Variants in CPNE7 observed in about 807,000 individuals in gnomAD.
The protein encoded by CPNE7 is copine-7.
CPNE7 carries 78 observed loss-of-function variants against 66.5 expected under a neutral mutation model. The observed-to-expected ratio is 1.17, with a 90% CI of 0.98 to 1.42. The LOEUF (loss-of-function observed/expected upper bound fraction) is 1.42, where lower values mean the gene tolerates loss of function less well. CPNE7 is among the 40% of genes most tolerant of loss of function. The pLI is 0.00. For synonymous variants in CPNE7, 468 were observed against 336.7 expected, an observed-to-expected ratio of 1.39 and a Z score of -4.27; for missense variants, 1,012 against 776.6, an observed-to-expected ratio of 1.30 and a Z score of -3.60.
intron 13 of CPNE7, among the ~76,000 whole-genome samples, chr16:89,592,084 C>T (rs1401521409): frequency 2.7e-5 from 4 of 150,040 alleles, no homozygotes; most frequent in Non-Finnish European, 5.9e-5. Context: ...TCTCCGCTCA[C>T]TGCAACCTCC....
rs959415847 is a variant in CPNE7, at chr16:89,591,362, G to A, written c.1302+102G>A. ...GCACCTGGCAGAGGGAACAGCCAGCGCAGAGGCCCCCAGGCAGGACAGAGC... is the reference window on the plus strand; with the variant it reads ...GCACCTGGCAGAGGGAACAGCCAGCACAGAGGCCCCCAGGCAGGACAGAGC... On this transcript the variant is annotated intron_variant, in intron 13 of 14. Transcript: ENST00000319518. 1.3e-4 allele frequency: 178 copies of A among 1,419,542 alleles called. 1 individual carries two copies. The highest frequency in any genetic ancestry group is 4.1e-4 in the South Asian group (28 of 67,930). The allele number at this position is 1,419,542 out of a possible 1,614,324, so 87.9% of individuals were successfully genotyped here.
chr16:89,583,297 C>T (rs1255965421), intron 2 of CPNE7: 27 of 768,956 alleles, frequency 3.5e-5, no homozygotes, highest in African/African-American at 6.9e-5. Context: ...TCTGCTTCTG[C>T]GGGTTCTCAC....
Position 89,587,096 on chromosome 16 carries a change from C to T in CPNE7, c.921C>T (p.His307=). 1 of 1,565,206 alleles carries T rather than the reference C, an allele frequency of 6.4e-7. No individual in the cohort carries two copies. The highest frequency in any genetic ancestry group is 8.7e-7 in the Non-Finnish European group (1 of 1,155,850). The change falls in exon 9 of 15, where the codon CAC becomes CAT. Residue 307 remains histidine, a synonymous_variant. Transcript: ENST00000319518. ...LDYIMGGCQI[H]FTVAIDFTAS... ...ATATCATGGGCGGCTGCCAGATCCA[C>T]TTCACCGTGAGTCCATGGCCCCGCC...
At chr16:89,587,720 C>CT (rs2059083033) in intron 9 of CPNE7, 1 of 198,438 alleles carries the variant, frequency 5.0e-6, no homozygotes, top group African/African-American at 2.9e-5. Context: ...CCCATAGCAC[C>CT]CCCGTGTCAC....
Position 89,584,049 on chromosome 16 carries a change from G to T in CPNE7, c.454G>T (p.Gly152Trp). Reference protein sequence around the residue: ...TITVIAEDISGNNGYVELSFR... With the variant: ...TITVIAEDISWNNGYVELSFR... ...CCAGGTGATCGCCGAGGACATCTCG[G>T]GGAACAACGGCTACGTGGAGCTCTC... Residue 152 changes from glycine to tryptophan, a missense_variant, in exon 4 of 15, where the codon GGG (glycine) becomes TGG (tryptophan). By Grantham distance (184) the Gly-to-Trp change is radical (BLOSUM62 -2). Coordinates refer to ENST00000319518, the MANE Select transcript of CPNE7 (RefSeq NM_153636.3). This position sits in a 1 kb window ranked among gnomAD's most constrained non-coding sequence, Gnocchi z 6.0. The T allele has an allele frequency of 6.2e-7, 1 of 1,612,220 alleles. No individual in the cohort carries two copies. Among genetic ancestry groups the T allele is most frequent in the Non-Finnish European group, 8.5e-7 (1 of 1,179,658 alleles).
chr16:89,590,388 G>T (rs557763861), intron 11 of CPNE7, among the ~76,000 whole-genome samples: 1 of 152,230 alleles, frequency 6.6e-6, no homozygotes, highest in Non-Finnish European at 1.5e-5. Flanking sequence ...AGCTGGGCGT[G>T]GTGGCACATG....
At chr16:89,593,291 G>A (rs1301220240) in intron 13 of CPNE7, among the ~76,000 whole-genome samples, 3 of 151,736 alleles carry the variant, frequency 2.0e-5, no homozygotes, top group Admixed American at 6.6e-5. Context: ...AAAAAACTTG[G>A]CACTGCACAC....
rs1002097940 is a variant in CPNE7, at chr16:89,591,235, C to T, written c.1277C>T (p.Ala426Val). ...TCCAAGGTGGCACGCGTGGCGGCGG[C>T]CGAGGAGAGCACCGGGAAAGCCTCT... Reference protein sequence around the residue: ...IISKVARVAAAEESTGKASQY... With the variant: ...IISKVARVAAVEESTGKASQY... Residue 426 changes from alanine to valine, a missense_variant, in exon 13 of 15, where the codon GCC becomes GTC. Ala to Val is a moderately conservative substitution (Grantham distance 64, BLOSUM62 0). Coordinates refer to ENST00000319518, the MANE Select transcript of CPNE7 (RefSeq NM_153636.3). The T allele has an allele frequency of 5.7e-6, 9 of 1,585,000 alleles. No individual in the cohort carries two copies. The highest frequency in any genetic ancestry group is 3.6e-5 in the Admixed American group (2 of 55,628).
chr16:89,587,653 C>A, intron 9 of CPNE7: 2 of 442,844 alleles, frequency 4.5e-6, no homozygotes, highest in Non-Finnish European at 4.6e-6. Flanking sequence ...CCCCGTGTCA[C>A]CCCCATGTCA....
rs561972748 is a variant in CPNE7, at chr16:89,579,908, G to A, written c.357+2187G>A. Among the ~76,000 whole-genome samples the A allele has an allele frequency of 8.1e-4, 37 of 45,648 alleles. 7 individuals carry two copies. The highest frequency in any genetic ancestry group is 3.6e-3 in the Admixed American group (13 of 3,610). 29.9% of individuals were successfully genotyped at this position (45,648 alleles called of 152,430 possible). On this transcript the variant is annotated intron_variant, in intron 2 of 14. Transcript: ENST00000319518. ...ACACGGAACATCTCACCCATCACAC[G>A]GAACATCCCGTCACCCGCTGACACA... is the stretch of plus-strand genomic sequence containing the variant.
At chr16:89,585,823 C>T (rs1476342569) in intron 7 of CPNE7, 38 bp downstream of exon 7, 1 of 114,530 alleles carries the variant, frequency 8.7e-6, no homozygotes, top group Admixed American at 1.2e-4. Context: ...CAGGGAGGGT[C>T]AGGTGGGGGT....
In CPNE7 at chr16:89,584,743, C is replaced by T; in HGVS notation, c.508-31C>T. The T allele has an allele frequency of 1.3e-6, 2 of 1,568,158 alleles. No homozygotes were observed. Among genetic ancestry groups the T allele is most frequent in the Non-Finnish European group, 1.8e-6 (2 of 1,140,714 alleles). On this transcript the variant is annotated intron_variant, in intron 4 of 14. Coordinates refer to ENST00000319518, the MANE Select transcript of CPNE7 (RefSeq NM_153636.3). This position sits in a 1 kb window ranked among gnomAD's most constrained non-coding sequence, Gnocchi z 6.0. ...CATCCAAAGCCCGATCTCACAGTGC[C>T]TGGCCCAGCAGCCCTTGTGCCTCTC...
chr16:89,583,801 C>T, intron 3 of CPNE7, 30 bp downstream of exon 3: 1 of 1,608,454 alleles, frequency 6.2e-7, no homozygotes, highest in Non-Finnish European at 8.5e-7. Flanking sequence ...CTGCAGCCTG[C>T]AGGCCCTGCT....
chr16:89,596,250 C>T (rs2059253245), intron 14 of CPNE7, among the ~76,000 whole-genome samples: 1 of 152,252 alleles, frequency 6.6e-6, no homozygotes, highest in Non-Finnish European at 1.5e-5. Flanking sequence ...GTGGCCTCGC[C>T]TCCCGTGTCA....
intron 9 of CPNE7, among the ~76,000 whole-genome samples, 163 bp from the exon 10 acceptor site, chr16:89,588,512 G>C (rs1388566705): frequency 6.6e-6 from 1 of 152,146 alleles, no homozygotes; most frequent in Non-Finnish European, 1.5e-5. Context: ...TCCTGGCCCT[G>C]TGTAGCAGGT....
rs1158060284 is a variant in CPNE7, at chr16:89,595,443, C to T, written c.1379C>T (p.Ala460Val). The T allele has an allele frequency of 1.2e-6, 2 of 1,611,498 alleles. No homozygotes were observed. The highest frequency in any genetic ancestry group is 1.7e-6 in the Non-Finnish European group (2 of 1,179,242). The change falls in exon 14 of 15, where the codon GCC becomes GTC. Residue 460 changes from alanine to valine, a missense_variant. Coordinates refer to ENST00000319518, the MANE Select transcript of CPNE7 (RefSeq NM_153636.3). ...GACACACGGGAGGCCATTGTGCGTG[C>T]CTCACGCCTGCCCATGTCCATCATC... ...MADTREAIVR[A>V]SRLPMSIIIV... is the part of the protein sequence containing the mutation.
intron 10 of CPNE7, among the ~76,000 whole-genome samples, chr16:89,589,197 C>T (rs1023919386): frequency 3.4e-4 from 51 of 152,166 alleles, no homozygotes; most frequent in African/African-American, 1.2e-3. Context: ...GAGGCTGAGG[C>T]AGGAGAATCA....
At chr16:89,582,554 TG>T (rs1204365943) in intron 2 of CPNE7, among the ~76,000 whole-genome samples, 1 of 152,148 alleles carries the variant, frequency 6.6e-6, no homozygotes, top group Non-Finnish European at 1.5e-5. Context: ...CAGGGAATCT[TG>T]GGGGGCCTGG....
In CPNE7 at chr16:89,596,540, G is replaced by C; in HGVS notation, c.1596G>C (p.Val532=). Residue 532 remains valine, a synonymous_variant, in exon 15 of 15, where the codon GTG becomes GTC. Coordinates refer to ENST00000319518, the MANE Select transcript of CPNE7 (RefSeq NM_153636.3). Reference sequence around the variant, plus strand: ...TGGCCGAGGTCCCGAAGCAGGTGGTGGAGTACTACAGCCACAGAGGCCTGC... The same window carrying C: ...TGGCCGAGGTCCCGAAGCAGGTGGTCGAGTACTACAGCCACAGAGGCCTGC... ...CVLAEVPKQV[V]EYYSHRGLPP... The C allele has an allele frequency of 6.2e-7, 1 of 1,610,056 alleles. No individual in the cohort carries two copies. The highest frequency in any genetic ancestry group is 1.1e-5 in the South Asian group (1 of 91,080).
Sources: allele counts gnomAD v4.1 joint callset (sites outside exome capture counted in the v4.1 genomes callset), GRCh38; gene constraint gnomAD v4.1.1; non-coding constraint Gnocchi (gnomAD v3.1); transcripts MANE v1.5; gene names NCBI Gene and HGNC (gene_info 2026-07-23, HGNC 2026-07-21).